Variants in CACNA1D observed in about 807,000 individuals in gnomAD.
CACNA1D encodes calcium voltage-gated channel subunit alpha1 D.
Under a neutral mutation model 257.1 loss-of-function variants are expected in CACNA1D, and 55 were observed. That is an observed-to-expected ratio of 0.21 (90% CI 0.17 to 0.27). The LOEUF (loss-of-function observed/expected upper bound fraction) is 0.27. Ranked by LOEUF, CACNA1D falls within the 10% of genes least tolerant of loss-of-function variation. CACNA1D has a pLI of 1.00. For synonymous variants in CACNA1D, 980 were observed against 1,014.9 expected, an observed-to-expected ratio of 0.97 and a Z score of 0.65; for missense variants, 1,876 against 2,784.0, an observed-to-expected ratio of 0.67 and a Z score of 7.34.
At chr3:53,806,497 G>T (rs1198903675) in intron 45 of CACNA1D, among the ~76,000 whole-genome samples, 1 of 152,200 alleles carries the variant, frequency 6.6e-6, no homozygotes, top group Non-Finnish European at 1.5e-5. Flanking sequence ...TGCAGCCCTG[G>T]CCCCTTCCAG....
At chr3:53,629,989 C>T (rs1228693701) in intron 3 of CACNA1D, among the ~76,000 whole-genome samples, 1 of 152,158 alleles carries the variant, frequency 6.6e-6, no homozygotes, top group South Asian at 2.1e-4. Context: ...ACAAAGTAAG[C>T]CCTGATGACT....
chr3:53,718,175 G>A (rs1444301960), intron 9 of CACNA1D, 126 bp from the exon 10 acceptor site: 34 of 800,748 alleles, frequency 4.2e-5, no homozygotes, highest in Middle Eastern at 2.4e-4. Context: ...CTGAGGCCCT[G>A]AGGGCCCTTT....
At chr3:53,756,213 A>G (rs562973966) in intron 29 of CACNA1D, among the ~76,000 whole-genome samples, 5 of 152,316 alleles carry the variant, frequency 3.3e-5, no homozygotes, top group Admixed American at 2.6e-4. Context: ...ACGGTTAAAG[A>G]AAGTTGAGAA....
intron 8 of CACNA1D, among the ~76,000 whole-genome samples, chr3:53,677,065 C>T (rs2094383668): frequency 6.6e-6 from 1 of 152,206 alleles, no homozygotes; most frequent in African/African-American, 2.4e-5. Flanking sequence ...TTTCACTTTT[C>T]AAATTGTTAA....
chr3:53,607,612 C>G (rs575340446), intron 3 of CACNA1D, among the ~76,000 whole-genome samples: 1 of 152,242 alleles, frequency 6.6e-6, no homozygotes, highest in Admixed American at 6.5e-5. Context: ...GCCAGCAACC[C>G]GAATTAGTCT....
chr3:53,565,257 C>A (rs1053427077), intron 3 of CACNA1D, among the ~76,000 whole-genome samples: 1 of 152,024 alleles, frequency 6.6e-6, no homozygotes, highest in African/African-American at 2.4e-5. Flanking sequence ...CCATCTTGTT[C>A]TACTTTATCA....
chr3:53,606,284 A>C (rs1013110425), intron 3 of CACNA1D, among the ~76,000 whole-genome samples: 1 of 152,236 alleles, frequency 6.6e-6, no homozygotes, highest in Non-Finnish European at 1.5e-5. Context: ...GAGCCAAAGT[A>C]CAGAAACCCC....
At chr3:53,563,574 T>C (rs762041771) in intron 3 of CACNA1D, among the ~76,000 whole-genome samples, 64 of 151,944 alleles carry the variant, frequency 4.2e-4, no homozygotes, top group South Asian at 1.3e-3. Flanking sequence ...TTTCTTTGAT[T>C]CTCTTTAGTT....
chr3:53,800,247 A>C lies in CACNA1D; in HGVS notation c.4924-2A>C. 1 of 1,606,438 alleles carries C rather than the reference A, an allele frequency of 6.2e-7. No individual in the cohort carries two copies. Among genetic ancestry groups the C allele is most frequent in the Non-Finnish European group, 8.5e-7 (1 of 1,172,998 alleles). On this transcript the variant is annotated splice_acceptor_variant, in intron 40 of 47. Transcript: ENST00000350061. LOFTEE classifies it high-confidence loss of function. This position sits in a 1 kb window ranked among gnomAD's most constrained non-coding sequence, Gnocchi z 4.3. ...CCTGTTCTGCCATTTTCATTGATCTAGGCGGGATTAAGGACACTGCATGAC... is the reference window on the plus strand; with the variant it reads ...CCTGTTCTGCCATTTTCATTGATCTCGGCGGGATTAAGGACACTGCATGAC...
chr3:53,587,472 A>G (rs936218737), intron 3 of CACNA1D, among the ~76,000 whole-genome samples: 2 of 152,056 alleles, frequency 1.3e-5, no homozygotes, highest in African/African-American at 4.8e-5. Context: ...GGAGGGCAGG[A>G]GCATGGACTC....
chr3:53,521,495 G>A (rs2091574329), intron 3 of CACNA1D, among the ~76,000 whole-genome samples: 2 of 152,202 alleles, frequency 1.3e-5, no homozygotes, highest in Admixed American at 6.5e-5. Flanking sequence ...TGTGATCAGA[G>A]AGGAGGGGCC....
In CACNA1D at chr3:53,549,237, A is replaced by G. The variant is rs145777931; in HGVS notation, c.483+47517A>G. Among the ~76,000 whole-genome samples, 3 of 152,334 alleles carry G rather than the reference A, an allele frequency of 2.0e-5. No individual in the cohort carries two copies. The East Asian group carries it at 5.8e-4, about 29-fold the overall frequency. ...CTTTTTGTCACGTACTGATGTCACA[A>G]TACTTTGTGTTCTTTTATGTGGTCT... On this transcript the variant is annotated intron_variant, in intron 3 of 47. Coordinates refer to ENST00000350061, the MANE Select transcript of CACNA1D (RefSeq NM_001128840.3).
chr3:53,620,439 C>T (rs2093684062), intron 3 of CACNA1D, among the ~76,000 whole-genome samples: 1 of 152,046 alleles, frequency 6.6e-6, no homozygotes, highest in African/African-American at 2.4e-5. Context: ...TACAGGCACA[C>T]CAACACACCT....
intron 20 of CACNA1D, among the ~76,000 whole-genome samples, chr3:53,737,422 C>T (rs2095069381): frequency 6.6e-6 from 1 of 152,158 alleles, no homozygotes; most frequent in Non-Finnish European, 1.5e-5. Context: ...GGAGGATGTG[C>T]ATAGATTATA....
chr3:53,735,434 C>T lies in CACNA1D; in HGVS notation c.2682C>T (p.Val894=). The stretch of plus-strand genomic sequence containing the variant: ...ACATCTTCACCAACCTCATCCTTGT[C>T]TTCATCATGCTGAGCAGCGCTGCCC... The part of the protein sequence containing the change: ...NHHIFTNLIL[V]FIMLSSAALA... Residue 894 remains valine, a synonymous_variant, in exon 20 of 48, where the codon GTC becomes GTT. Coordinates refer to ENST00000350061, the MANE Select transcript of CACNA1D (RefSeq NM_001128840.3). 6.2e-7 allele frequency: 1 copy of T among 1,613,998 alleles called. No individual in the cohort carries two copies.
In CACNA1D at chr3:53,640,844, G is replaced by T. The variant is rs559963760; in HGVS notation, c.484-9935G>T. On this transcript the variant is annotated intron_variant, in intron 3 of 47. Coordinates refer to ENST00000350061, the MANE Select transcript of CACNA1D (RefSeq NM_001128840.3). Reference sequence around the variant, plus strand: ...GCCAGGAGAAAGAGTGCCGTCTGATGACCAGTGGGAATGTCTGTTATGGCC... The same window carrying T: ...GCCAGGAGAAAGAGTGCCGTCTGATTACCAGTGGGAATGTCTGTTATGGCC... Among the ~76,000 whole-genome samples the T allele has an allele frequency of 1.6e-4, 24 of 152,304 alleles. No homozygotes were observed. The South Asian group carries it at 4.6e-3, about 29-fold the overall frequency.
intron 8 of CACNA1D, among the ~76,000 whole-genome samples, chr3:53,683,075 T>C (rs553705521): frequency 1.3e-5 from 2 of 152,188 alleles, no homozygotes; most frequent in African/African-American, 4.8e-5. Context: ...GCTGCTAAGA[T>C]AGCTGGGATT....
At chr3:53,617,442 A>G (rs1427918110) in intron 3 of CACNA1D, among the ~76,000 whole-genome samples, 1 of 152,186 alleles carries the variant, frequency 6.6e-6, no homozygotes, top group Non-Finnish European at 1.5e-5. Flanking sequence ...CTCATCTGTG[A>G]AGCACTGAAA....
intron 3 of CACNA1D, among the ~76,000 whole-genome samples, chr3:53,578,931 G>T (rs2107734811): frequency 6.6e-6 from 1 of 152,348 alleles, no homozygotes; most frequent in Non-Finnish European, 1.5e-5. Context: ...CCATAGTTGG[G>T]AGGCTGTTTG....
Sources: gnomAD v4.1 joint callset for allele counts (sites outside exome capture counted in the v4.1 genomes callset) on GRCh38, gnomAD v4.1.1 for gene constraint, Gnocchi (gnomAD v3.1) non-coding constraint, MANE v1.5 for transcripts, NCBI Gene and HGNC (gene_info 2026-07-23, HGNC 2026-07-21) for gene names.